RPS6KC1: variants seen among roughly 807,000 people sequenced by gnomAD.
RPS6KC1 encodes inactive ribosomal protein S6 kinase delta-1.
A neutral mutation model predicts 103.8 loss-of-function variants in RPS6KC1; 54 were observed. The ratio of observed to expected loss-of-function variants is 0.52; its 90% confidence interval spans 0.42 to 0.65. RPS6KC1 has a LOEUF of 0.65. Among genes scored for constraint, RPS6KC1 ranks in the 30% least tolerant of loss-of-function variants. RPS6KC1 has a pLI of 0.00. For synonymous variants in RPS6KC1, 439 were observed against 438.7 expected (o/e 1.00, Z -0.01); for missense variants, 1,151 against 1,253.8 (o/e 0.92, Z 1.24).
At chr1:213,692,399 AAAAAT>A in the RPS6KC1 span, among the ~76,000 whole-genome samples, 1 of 151,780 alleles carries the variant, frequency 6.6e-6, no homozygotes, top group African/African-American at 2.4e-5. Context: ...AAAAAAAAAA[AAAAAT>A]AAATAAAGTT....
the RPS6KC1 span, among the ~76,000 whole-genome samples, chr1:213,857,575 T>C: frequency 6.6e-6 from 1 of 152,116 alleles, no homozygotes; most frequent in Admixed American, 6.5e-5. Flanking sequence ...TCCTGTGGAG[T>C]GCAACCACTA....
the RPS6KC1 span, among the ~76,000 whole-genome samples, chr1:213,286,375 T>G: frequency 3.3e-5 from 5 of 152,224 alleles, no homozygotes; most frequent in East Asian, 9.6e-4. Context: ...AAACATTTTA[T>G]AAGATAACAC....
chr1:213,151,004 CA>C (rs1329279681), intron 6 of RPS6KC1, among the ~76,000 whole-genome samples: 9 of 121,446 alleles, frequency 7.4e-5, no homozygotes, highest in Non-Finnish European at 8.7e-5. Context: ...TGACCCCCCC[CA>C]CCTCCCTCCC....
At chr1:213,683,649 A>G in the RPS6KC1 span, among the ~76,000 whole-genome samples, 1 of 152,162 alleles carries the variant, frequency 6.6e-6, no homozygotes, top group Non-Finnish European at 1.5e-5. Context: ...GGCTGGTCAC[A>G]CATGAGAGCC....
At chr1:213,492,093 G>T in the RPS6KC1 span, among the ~76,000 whole-genome samples, 1 of 152,164 alleles carries the variant, frequency 6.6e-6, no homozygotes, top group Non-Finnish European at 1.5e-5. Context: ...CTGGCTCAGA[G>T]CCTCTTCTTT....
chr1:213,716,475 C>T, the RPS6KC1 span, among the ~76,000 whole-genome samples: 1 of 152,182 alleles, frequency 6.6e-6, no homozygotes, highest in Admixed American at 6.5e-5. Flanking sequence ...CTTCAACAAT[C>T]TCAGGCCTCC....
the RPS6KC1 span, among the ~76,000 whole-genome samples, chr1:213,523,286 A>G: frequency 6.6e-6 from 1 of 152,264 alleles, no homozygotes; most frequent in South Asian, 2.1e-4. Flanking sequence ...TTAGACTAGT[A>G]ACATCAAAGA....
the RPS6KC1 span, among the ~76,000 whole-genome samples, chr1:213,560,936 A>C: frequency 6.6e-6 from 1 of 152,220 alleles, no homozygotes; most frequent in African/African-American, 2.4e-5. Context: ...CATATTGTAC[A>C]GCATAGCTGC....
the RPS6KC1 span, among the ~76,000 whole-genome samples, chr1:213,366,337 A>G: frequency 6.6e-6 from 1 of 152,244 alleles, no homozygotes; most frequent in African/African-American, 2.4e-5. Context: ...TAAACCACCA[A>G]GGCATAGAAC....
chr1:213,290,144 C>CAAAAAAAAAAAAAAA, the RPS6KC1 span, among the ~76,000 whole-genome samples: 1 of 70,096 alleles, frequency 1.4e-5, no homozygotes, highest in Non-Finnish European at 2.5e-5. Context: ...GACTCCGTCT[C>CAAAAAAAAAAAAAAA]AAAAAAAAAA....
chr1:213,359,423 A>G, the RPS6KC1 span, among the ~76,000 whole-genome samples: 1 of 152,042 alleles, frequency 6.6e-6, no homozygotes, highest in African/African-American at 2.4e-5. Context: ...ATCTTCCTCC[A>G]TCCCTTTATT....
At position 213,051,267 on chromosome 1, in the gene RPS6KC1, A is replaced by G. The variant is rs993436688; in HGVS notation, c.-138A>G. 3.2e-6 allele frequency: 2 copies of G among 629,814 alleles called. No homozygotes were observed. Among genetic ancestry groups the G allele is most frequent in the South Asian group, 1.9e-5 (1 of 52,852 alleles). The allele number at this position is 629,814 out of a possible 1,614,324, so 39.0% of individuals were successfully genotyped here. On this transcript the variant is annotated 5_prime_UTR_variant, in exon 1 of 15. Coordinates refer to ENST00000366960, the MANE Select transcript of RPS6KC1 (RefSeq NM_012424.6). ...ACCCGGAAGCAGAGCTGTGCAGCTG[A>G]GGCGCCGCCGTGGAGCCGCCTTGGA...
the RPS6KC1 span, among the ~76,000 whole-genome samples, chr1:213,733,336 C>T: frequency 1.3e-5 from 2 of 151,366 alleles, no homozygotes; most frequent in Admixed American, 6.6e-5. Flanking sequence ...ACCTCCCGGG[C>T]TCAAGTTATT....
the RPS6KC1 span, among the ~76,000 whole-genome samples, chr1:213,369,223 A>G: frequency 6.6e-6 from 1 of 152,186 alleles, no homozygotes; most frequent in Non-Finnish European, 1.5e-5. Context: ...GTTATAGGGC[A>G]TGAGTGAGAT....
chr1:213,556,536 T>C, the RPS6KC1 span, among the ~76,000 whole-genome samples: 1 of 152,112 alleles, frequency 6.6e-6, no homozygotes, highest in African/African-American at 2.4e-5. Context: ...AAGAACAGAA[T>C]TGGTGGATGG....
the RPS6KC1 span, among the ~76,000 whole-genome samples, chr1:213,747,656 A>G: frequency 6.6e-6 from 1 of 152,234 alleles, no homozygotes; most frequent in Non-Finnish European, 1.5e-5. Context: ...AGAAATAGAA[A>G]TTTAAACTGC....
the RPS6KC1 span, among the ~76,000 whole-genome samples, chr1:213,552,701 A>G: frequency 6.6e-6 from 1 of 152,204 alleles, no homozygotes; most frequent in Non-Finnish European, 1.5e-5. Context: ...CACCAATATT[A>G]CCATCAATGC....
chr1:213,779,280 A>T, the RPS6KC1 span, among the ~76,000 whole-genome samples: 6 of 152,188 alleles, frequency 3.9e-5, no homozygotes, highest in African/African-American at 1.4e-4. Flanking sequence ...GAAAAACAAT[A>T]GTCTTTGGAT....
At chr1:213,364,551 C>A in the RPS6KC1 span, among the ~76,000 whole-genome samples, 1 of 152,164 alleles carries the variant, frequency 6.6e-6, no homozygotes, top group Non-Finnish European at 1.5e-5. Flanking sequence ...GAGGACCTCT[C>A]TTCTGCATTC....
Sources: gnomAD v4.1 joint callset for allele counts (sites outside exome capture counted in the v4.1 genomes callset) on GRCh38, gnomAD v4.1.1 for gene constraint, MANE v1.5 for transcripts, NCBI Gene and HGNC (gene_info 2026-07-23, HGNC 2026-07-21) for gene names.